Variants in SNX25 observed in about 807,000 individuals in gnomAD.
SNX25 encodes sorting nexin 25.
SNX25 carries 62 observed loss-of-function variants against 113.7 expected under a neutral mutation model. That is an observed-to-expected ratio of 0.55 (90% CI 0.44 to 0.67). The LOEUF is 0.67. Ranked by LOEUF, SNX25 falls within the 30% of genes least tolerant of loss-of-function variation. The pLI is 0.00. For missense variants in SNX25, 1,014 were observed against 1,161.0 expected, an observed-to-expected ratio of 0.87 and a Z score of 1.84; for synonymous variants, 421 against 436.2, an observed-to-expected ratio of 0.97 and a Z score of 0.43.
At chr4:185,252,569 T>A (rs1273319547) in intron 2 of SNX25, among the ~76,000 whole-genome samples, 1 of 152,194 alleles carries the variant, frequency 6.6e-6, no homozygotes, top group Non-Finnish European at 1.5e-5. Context: ...TTTATCTTTA[T>A]ATATCTATTT....
At chr4:185,349,647 A>AT (rs2095305726) in intron 13 of SNX25, among the ~76,000 whole-genome samples, 1 of 151,386 alleles carries the variant, frequency 6.6e-6, no homozygotes. Context: ...GAGGTTGATC[A>AT]TTTTTTCATA....
chr4:185,236,692 A>G (rs1215374446), intron 1 of SNX25, among the ~76,000 whole-genome samples: 2 of 152,260 alleles, frequency 1.3e-5, no homozygotes, highest in East Asian at 1.9e-4. Context: ...TATGTATACC[A>G]TGATCCCAAT....
At chr4:185,227,024 C>T (rs369398958) in intron 1 of SNX25, among the ~76,000 whole-genome samples, 2 of 152,164 alleles carry the variant, frequency 1.3e-5, no homozygotes, top group Non-Finnish European at 2.9e-5. Flanking sequence ...TTTTTAGCCC[C>T]GTGAGTCGGA....
chr4:185,204,498 T>C (rs541598465), intron 1 of SNX25: 23 of 152,318 alleles, frequency 1.5e-4, no homozygotes, highest in African/African-American at 5.3e-4. Flanking sequence ...AAGGTAAAAA[T>C]GATCTCTGCA....
At chr4:185,356,406 A>G (rs1432493450) in intron 15 of SNX25, among the ~76,000 whole-genome samples, 1 of 152,144 alleles carries the variant, frequency 6.6e-6, no homozygotes, top group East Asian at 1.9e-4. Context: ...TAGAAAGACA[A>G]AGTGAAGTTA....
chr4:185,373,845 T>G (rs1349556626), downstream of SNX25, among the ~76,000 whole-genome samples: 2 of 152,248 alleles, frequency 1.3e-5, no homozygotes, highest in East Asian at 3.8e-4. Flanking sequence ...TATTCATCTG[T>G]TCATGCTTAG....
rs1357970615 is a variant in SNX25 at position 185,210,030 on chromosome 4, C to T, written c.204C>T (p.Ala68=). Reference sequence around the variant, plus strand: ...CCGTGGCGGTGGCCGCACTCGCCGCCGTGGCCCTCTCCTTCCTGGGGCCCG... The same window carrying T: ...CCGTGGCGGTGGCCGCACTCGCCGCTGTGGCCCTCTCCTTCCTGGGGCCCG... ...WKPVAVAALA[A]VALSFLGPGS... is the part of the protein sequence containing the mutation. The change falls in exon 1 of 19, where the codon GCC becomes GCT. Residue 68 remains alanine, a synonymous_variant. Coordinates refer to ENST00000652585, the MANE Select transcript of SNX25 (RefSeq NM_001378034.2). This position sits in a 1 kb window ranked among gnomAD's most constrained non-coding sequence, Gnocchi z 4.4. The T allele has an allele frequency of 4.1e-5, 40 of 983,760 alleles. No individual in the cohort carries two copies. The highest frequency in any genetic ancestry group is 4.6e-5 in the Non-Finnish European group (38 of 829,454). The allele number at this position is 983,760 out of a possible 1,614,324, so 60.9% of individuals were successfully genotyped here.
chr4:185,325,959 AAAT>A (rs1320307945), intron 9 of SNX25, among the ~76,000 whole-genome samples: 1 of 152,222 alleles, frequency 6.6e-6, no homozygotes, highest in Non-Finnish European at 1.5e-5. Flanking sequence ...GCATGGGTAA[AAAT>A]AACCAGTTTT....
At chr4:185,240,747 C>T (rs1007354297) in intron 1 of SNX25, among the ~76,000 whole-genome samples, 1 of 151,788 alleles carries the variant, frequency 6.6e-6, no homozygotes, top group African/African-American at 2.4e-5. Flanking sequence ...CGGAGACGCT[C>T]CTCACTTCCC....
At chr4:185,377,245 C>T in the SNX25 span, 41 of 453,456 alleles carry the variant, frequency 9.0e-5, no homozygotes, top group Non-Finnish European at 1.4e-4. Flanking sequence ...TGGCCGGGCG[C>T]GGTGGCTCAC....
chr4:185,246,699 T>A (rs1352914595), intron 1 of SNX25, among the ~76,000 whole-genome samples: 1 of 152,196 alleles, frequency 6.6e-6, no homozygotes, highest in Non-Finnish European at 1.5e-5. Flanking sequence ...AAGAATTTTG[T>A]ATTTTAGGTA....
chr4:185,361,967 T>C lies in SNX25; in HGVS notation c.2695T>C (p.Leu899=). The change falls in exon 17 of 19, where the codon TTG becomes CTG. Residue 899 remains leucine, a synonymous_variant. Coordinates refer to ENST00000652585, the MANE Select transcript of SNX25 (RefSeq NM_001378034.2). ...CAGCTGGATTTTCAGTGAGCAAATG[T>C]TGGTTTACTACATCAATATTTTCCG... is the stretch of plus-strand genomic sequence containing the variant. ...TVSWIFSEQM[L]VYYINIFRDA... 6.2e-7 allele frequency: 1 copy of C among 1,614,122 alleles called. No homozygotes were observed. The highest frequency in any genetic ancestry group is 2.2e-5 in the East Asian group (1 of 44,886).
At position 185,338,417 on chromosome 4, in the gene SNX25, A is replaced by G. The variant is rs1579844734; in HGVS notation, c.1915-962A>G. On this transcript the variant is annotated intron_variant, in intron 10 of 18. Transcript: ENST00000652585. Reference sequence around the variant, plus strand: ...TAGCCTCCTGAGTAACTGGGATTATAGGCGCCGCCCCCAACCCCCTCCACC... The same window carrying G: ...TAGCCTCCTGAGTAACTGGGATTATGGGCGCCGCCCCCAACCCCCTCCACC... 1.3e-5 allele frequency among the ~76,000 whole-genome samples: 2 copies of G among 151,678 alleles called. 1 individual carries two copies. The highest frequency in any genetic ancestry group is 3.9e-4 in the East Asian group (2 of 5,148).
At chr4:185,213,938 CTTT>C (rs77831124) in intron 1 of SNX25, among the ~76,000 whole-genome samples, 7 of 140,222 alleles carry the variant, frequency 5.0e-5, no homozygotes, top group Admixed American at 7.1e-5. Flanking sequence ...TTACTAGATC[CTTT>C]TTTTTTTTTT....
At chr4:185,234,510 G>A (rs1742333050) in intron 1 of SNX25, among the ~76,000 whole-genome samples, 1 of 34,264 alleles carries the variant, frequency 2.9e-5, no homozygotes. Context: ...GTGAAACCCC[G>A]TCTCTACTAA....
In SNX25 at chr4:185,362,837, C is replaced by CTTT. The variant is rs35348535; in HGVS notation, c.2934+146_2934+148dup. On this transcript the variant is annotated intron_variant, in intron 18 of 18. Coordinates refer to ENST00000652585, the MANE Select transcript of SNX25 (RefSeq NM_001378034.2). ...CTCACATACTAGTCATCTCCCTTGA[C>CTTT]TTTTTTTTTTTTTTTTTTTTTTGAG... is the stretch of plus-strand genomic sequence containing the variant. 7.2e-3 allele frequency: 1,793 copies of CTTT among 248,156 alleles called. 2 individuals carry two copies. Among genetic ancestry groups the CTTT allele is most frequent in the South Asian group, 0.013 (249 of 18,930 alleles). 15.4% of individuals were successfully genotyped at this position (248,156 alleles called of 1,614,324 possible).
intron 1 of SNX25, among the ~76,000 whole-genome samples, chr4:185,213,733 G>A (rs1244421043): frequency 6.6e-6 from 1 of 152,128 alleles, no homozygotes; most frequent in Non-Finnish European, 1.5e-5. Context: ...GAGAAATAGG[G>A]CAAGAATGAA....
intron 2 of SNX25, 25 bp from the exon 3 acceptor site, chr4:185,258,823 T>G: frequency 6.3e-7 from 1 of 1,577,454 alleles, no homozygotes. Flanking sequence ...TTTGTTTTAC[T>G]CATTGCTTTG....
At chr4:185,341,945 T>C in intron 11 of SNX25, 31 bp from the exon 12 acceptor site, 1 of 1,558,534 alleles carries the variant, frequency 6.4e-7, no homozygotes, top group Admixed American at 2.0e-5. Flanking sequence ...CCATGCTTTT[T>C]GTAAGTATCG....
Sources: allele counts gnomAD v4.1 joint callset (sites outside exome capture counted in the v4.1 genomes callset), GRCh38; gene constraint gnomAD v4.1.1; non-coding constraint Gnocchi (gnomAD v3.1); transcripts MANE v1.5; gene names NCBI Gene and HGNC (gene_info 2026-07-23, HGNC 2026-07-21).